The following PODXL2 variants were observed in gnomAD, a reference collection of about 807,000 sequenced individuals.
PODXL2 encodes the protein podocalyxin-like protein 2.
PODXL2 carries 17 observed loss-of-function variants against 53.4 expected under a neutral mutation model. That is an observed-to-expected ratio of 0.32 (90% confidence interval 0.22 to 0.48). The LOEUF is 0.48. Among genes scored for constraint, PODXL2 ranks in the 20% least tolerant of loss-of-function variants. The probability of loss-of-function intolerance (pLI) is 0.99; values close to 1 mark genes in which losing one functional copy is unlikely to be tolerated. For synonymous variants in PODXL2, 311 were observed against 306.7 expected (o/e 1.01, Z -0.15); for missense variants, 673 against 760.0 (o/e 0.89, Z 1.35).
intron 2 of PODXL2, among the ~76,000 whole-genome samples, chr3:127,644,369 G>A (rs1422050319): frequency 6.6e-6 from 1 of 152,320 alleles, no homozygotes; most frequent in African/African-American, 2.4e-5. Flanking sequence ...GCCTCCCAAA[G>A]TATTGTGATT....
chr3:127,659,576 A>T (rs2074749638), intron 2 of PODXL2, among the ~76,000 whole-genome samples: 1 of 152,236 alleles, frequency 6.6e-6, no homozygotes, highest in South Asian at 2.1e-4. Flanking sequence ...TTTTGAATGA[A>T]TTTCCAAAAA....
chr3:127,637,490 G>A (rs989017803), intron 1 of PODXL2, among the ~76,000 whole-genome samples: 7 of 152,132 alleles, frequency 4.6e-5, no homozygotes, highest in African/African-American at 7.2e-5. Context: ...TTTCACACAT[G>A]GCTCACCAAT....
chr3:127,672,702 C>T lies in PODXL2; in HGVS notation c.*222C>T. The T allele has an allele frequency of 2.3e-6, 1 of 439,634 alleles. No homozygotes were observed. The highest frequency in any genetic ancestry group is 3.7e-5 in the East Asian group (1 of 26,872). 27.2% of individuals were successfully genotyped at this position (439,634 alleles called of 1,614,324 possible). A position where few individuals can be genotyped will look rare whatever the true frequency, so the allele number is the denominator to read the frequency against. ...CAGGCCTCAAAGCCCGCCTTGGCCC[C>T]GCTTTCCCGCCCCTGAACCCCGGCC... On this transcript the variant is annotated 3_prime_UTR_variant, in exon 8 of 8. Coordinates refer to ENST00000342480, the MANE Select transcript of PODXL2 (RefSeq NM_015720.4).
intron 5 of PODXL2, 116 bp from the exon 6 acceptor site, chr3:127,669,025 G>T: frequency 1.6e-6 from 1 of 640,700 alleles, no homozygotes; most frequent in East Asian, 3.0e-5. Flanking sequence ...TGTGCAATTT[G>T]AGCCAGGAAG....
At chr3:127,654,652 AAGTGCTTAGGCTTT>A (rs1380379490) in intron 2 of PODXL2, among the ~76,000 whole-genome samples, 1 of 152,228 alleles carries the variant, frequency 6.6e-6, no homozygotes, top group Non-Finnish European at 1.5e-5. Context: ...CTTAAAACTC[AAGTGCTTAGGCTTT>A]AGTTACATTC....
intron 3 of PODXL2, among the ~76,000 whole-genome samples, 159 bp from the exon 4 acceptor site, chr3:127,662,078 A>G (rs1415347903): frequency 2.0e-5 from 3 of 152,148 alleles, no homozygotes; most frequent in African/African-American, 7.2e-5. Context: ...ACTCCTTGGC[A>G]TGGTGCCTCA....
chr3:127,665,667 G>A (rs2074791809), intron 4 of PODXL2, among the ~76,000 whole-genome samples: 1 of 152,214 alleles, frequency 6.6e-6, no homozygotes, highest in African/African-American at 2.4e-5. Flanking sequence ...ACAAGGAGGA[G>A]AAATATGTGG....
chr3:127,637,634 C>A (rs750409195), intron 1 of PODXL2, among the ~76,000 whole-genome samples: 1 of 152,168 alleles, frequency 6.6e-6, no homozygotes. Context: ...TTTCCTGGTA[C>A]CAGGCTTTCT....
chr3:127,645,617 C>G (rs1229001898), intron 2 of PODXL2, among the ~76,000 whole-genome samples: 8 of 152,192 alleles, frequency 5.3e-5, no homozygotes, highest in Admixed American at 4.6e-4. Context: ...ATTCATTTGC[C>G]CAGAGGGGAC....
At chr3:127,642,683 AT>A (rs1358410295) in intron 2 of PODXL2, among the ~76,000 whole-genome samples, 1 of 152,212 alleles carries the variant, frequency 6.6e-6, no homozygotes. Flanking sequence ...ATTTTAACTC[AT>A]ATATGTACAA....
At chr3:127,635,294 C>T (rs2074570823) in intron 1 of PODXL2, among the ~76,000 whole-genome samples, 2 of 152,324 alleles carry the variant, frequency 1.3e-5, no homozygotes, top group South Asian at 2.1e-4. Flanking sequence ...GTCACTGTTA[C>T]ACTATTCCAT....
chr3:127,667,002 A>G (rs1044673574), intron 4 of PODXL2, among the ~76,000 whole-genome samples: 3 of 152,214 alleles, frequency 2.0e-5, no homozygotes, highest in African/African-American at 7.2e-5. Flanking sequence ...TTGCTCTGGC[A>G]GGGGCGGGCA....
At chr3:127,669,645 T>TGGAC (rs1421946722) in intron 6 of PODXL2, among the ~76,000 whole-genome samples, 1 of 152,196 alleles carries the variant, frequency 6.6e-6, no homozygotes, top group African/African-American at 2.4e-5. Flanking sequence ...TGACTTGGCG[T>TGGAC]GGACGTGTGA....
At chr3:127,657,140 C>T (rs991352232) in intron 2 of PODXL2, among the ~76,000 whole-genome samples, 14 of 152,166 alleles carry the variant, frequency 9.2e-5, no homozygotes, top group African/African-American at 2.9e-4. Flanking sequence ...CTGCCGACAG[C>T]GTGACTGATG....
At chr3:127,652,405 C>T (rs962902420) in intron 2 of PODXL2, among the ~76,000 whole-genome samples, 1 of 152,146 alleles carries the variant, frequency 6.6e-6, no homozygotes, top group African/African-American at 2.4e-5. Context: ...GGTCGGGAGC[C>T]CAGGAGCCTA....
At chr3:127,661,192 T>G in intron 3 of PODXL2, 33 bp downstream of exon 3, 1 of 1,530,398 alleles carries the variant, frequency 6.5e-7, no homozygotes. Flanking sequence ...CACCACCCTG[T>G]ACCTTCTTCA....
chr3:127,660,685 A>G lies in PODXL2; in HGVS notation c.657A>G (p.Lys219=), dbSNP rs1391375098. ...TSSSQTPGAT[K]SRHEDSGDQA... is the part of the protein sequence containing the mutation. ...GCAGCCAGACCCCAGGGGCCACCAA[A>G]AGCAGGCATGAAGACTCCGGGGACC... The change falls in exon 3 of 8, where the codon AAA becomes AAG. Residue 219 remains lysine, a synonymous_variant. Transcript: ENST00000342480. The G allele has an allele frequency of 6.2e-7, 1 of 1,614,128 alleles. No homozygotes were observed. Among genetic ancestry groups the G allele is most frequent in the Non-Finnish European group, 8.5e-7 (1 of 1,180,036 alleles).
At chr3:127,654,322 T>C (rs1352680619) in intron 2 of PODXL2, among the ~76,000 whole-genome samples, 1 of 152,238 alleles carries the variant, frequency 6.6e-6, no homozygotes, top group Non-Finnish European at 1.5e-5. Context: ...GACGTGATGC[T>C]GTATCTTCTT....
At position 127,656,902 on chromosome 3, in the gene PODXL2, G is replaced by A. The variant is rs114362913; in HGVS notation, c.350-3476G>A. Among the ~76,000 whole-genome samples, 378 of 151,984 alleles carry A rather than the reference G, an allele frequency of 2.5e-3. 2 individuals are homozygous for A. The highest frequency in any genetic ancestry group is 8.6e-3 in the African/African-American group (356 of 41,438). On this transcript the variant is annotated intron_variant, in intron 2 of 7. Coordinates refer to ENST00000342480, the MANE Select transcript of PODXL2 (RefSeq NM_015720.4). ...TCTACAAATAATAAAAAAATTTAGC[G>A]GGGTGTAGTGGCCCTGTGGTCCCAG...
Sources: gnomAD v4.1 joint callset for allele counts (sites outside exome capture counted in the v4.1 genomes callset) on GRCh38, gnomAD v4.1.1 for gene constraint, MANE v1.5 for transcripts, NCBI Gene and HGNC (gene_info 2026-07-23, HGNC 2026-07-21) for gene names.